The following ATP10A variants were observed in gnomAD, a reference collection of about 807,000 sequenced individuals.
ATP10A encodes ATPase phospholipid transporting 10A (putative), also known as phospholipid-transporting ATPase VA.
ATP10A carries 111 observed loss-of-function variants against 147.8 expected under a neutral mutation model. The observed-to-expected ratio is 0.75, with a 90% CI of 0.64 to 0.88. The LOEUF (loss-of-function observed/expected upper bound fraction) is 0.88, where lower values mean the gene tolerates loss of function less well. Ranked by LOEUF, ATP10A falls within the 40% of genes least tolerant of loss-of-function variation. ATP10A has a pLI of 0.00. For missense variants in ATP10A, 1,927 were observed against 1,959.0 expected (o/e 0.98, Z 0.31); for synonymous variants, 875 against 841.6 (o/e 1.04, Z -0.69).
At chr15:25,682,101 C>G (rs1288977710) in intron 17 of ATP10A, among the ~76,000 whole-genome samples, 1 of 150,510 alleles carries the variant, frequency 6.6e-6, no homozygotes, top group Admixed American at 6.6e-5. Context: ...CTGCATCTTC[C>G]CAGGGAACAT....
intron 2 of ATP10A, among the ~76,000 whole-genome samples, chr15:25,768,090 T>G (rs1360046748): frequency 6.6e-6 from 1 of 152,196 alleles, no homozygotes; most frequent in East Asian, 1.9e-4. Flanking sequence ...TGGCAGCTGG[T>G]TCTCTGCACT....
chr15:25,674,101 C>T (rs540159197), downstream of ATP10A, among the ~76,000 whole-genome samples: 15 of 152,184 alleles, frequency 9.9e-5, no homozygotes, highest in Admixed American at 7.2e-4. Flanking sequence ...CAGCCTGGGA[C>T]GCTCTCCATC....
chr15:25,742,680 T>C (rs1290503514), intron 2 of ATP10A, among the ~76,000 whole-genome samples: 2 of 152,172 alleles, frequency 1.3e-5, no homozygotes, highest in African/African-American at 4.8e-5. Flanking sequence ...AGCCTTGCTT[T>C]CTCCTCCGTC....
chr15:25,837,114 T>C (rs1326655750), intron 1 of ATP10A, among the ~76,000 whole-genome samples: 1 of 152,130 alleles, frequency 6.6e-6, no homozygotes, highest in Non-Finnish European at 1.5e-5. Context: ...CAAAATCTAC[T>C]CTTTTAGCCA....
intron 16 of ATP10A, among the ~76,000 whole-genome samples, chr15:25,685,192 GA>G: frequency 6.6e-6 from 1 of 152,274 alleles, no homozygotes; most frequent in African/African-American, 2.4e-5. Flanking sequence ...TTATTGGAAA[GA>G]AAGGCCACCT....
intron 15 of ATP10A, among the ~76,000 whole-genome samples, chr15:25,689,033 C>A (rs941235423): frequency 4.6e-5 from 7 of 152,208 alleles, no homozygotes; most frequent in Non-Finnish European, 1.0e-4. Context: ...CAAAAGGGAC[C>A]AGTGTTAAAA....
intron 1 of ATP10A, among the ~76,000 whole-genome samples, chr15:25,818,500 A>T (rs1891756980): frequency 6.6e-6 from 1 of 152,166 alleles, no homozygotes; most frequent in South Asian, 2.1e-4. Flanking sequence ...GGACCAGAAT[A>T]ATTAGTATCA....
rs182016877 is a variant in ATP10A, at chr15:25,679,403, A to G, written c.4438T>C (p.Ser1480Pro). Residue 1480 changes from serine (S) to proline (P), a missense_variant, in exon 21 of 21, where the codon TCA becomes CCA. Coordinates refer to ENST00000555815, the MANE Select transcript of ATP10A (RefSeq NM_024490.4). ...GLPVQPHSGR[S>P]GLQGPDHRLL... ...CTGTGGTCTGGCCCTTGAAGTCCTG[A>G]TCGGCCTGAGTGGGGCTGGACAGGA... 6.8e-6 allele frequency: 11 copies of G among 1,612,134 alleles called. No homozygotes were observed. In the Admixed American group the frequency reaches 1.7e-4, roughly 24 times the overall value.
chr15:25,717,785 G>A (rs1332394364), intron 8 of ATP10A, among the ~76,000 whole-genome samples: 2 of 152,188 alleles, frequency 1.3e-5, no homozygotes, highest in African/African-American at 2.4e-5. Flanking sequence ...ATGTCTGGGC[G>A]GCTGACAAGG....
At chr15:25,828,392 A>T (rs1398155785) in intron 1 of ATP10A, among the ~76,000 whole-genome samples, 1 of 152,224 alleles carries the variant, frequency 6.6e-6, no homozygotes, top group African/African-American at 2.4e-5. Context: ...ACCATAAGCT[A>T]AGCCATAGAA....
At chr15:25,693,594 G>A (rs76580014) in intron 14 of ATP10A, among the ~76,000 whole-genome samples, 8,985 of 152,264 alleles carry the variant, frequency 0.059, 395 homozygotes, top group African/African-American at 0.12. Context: ...CAGGGGTGGT[G>A]CAGGTCAGCC....
At chr15:25,749,669 G>C (rs1252983176) in intron 2 of ATP10A, among the ~76,000 whole-genome samples, 2 of 152,134 alleles carry the variant, frequency 1.3e-5, no homozygotes, top group South Asian at 2.1e-4. Flanking sequence ...AAGTAAGTCA[G>C]CTTAATCTAA....
intron 1 of ATP10A, among the ~76,000 whole-genome samples, chr15:25,823,432 A>C (rs780302785): frequency 6.6e-6 from 1 of 152,248 alleles, no homozygotes; most frequent in South Asian, 2.1e-4. Context: ...GGCCTGCACA[A>C]GTTCAAATAA....
chr15:25,745,637 C>T (rs186936110), intron 2 of ATP10A, among the ~76,000 whole-genome samples: 10 of 152,072 alleles, frequency 6.6e-5, no homozygotes, highest in East Asian at 3.9e-4. Flanking sequence ...GCAACAAAAA[C>T]GGTAAATAAG....
At chr15:25,778,777 GA>G in intron 2 of ATP10A, among the ~76,000 whole-genome samples, 1 of 152,294 alleles carries the variant, frequency 6.6e-6, no homozygotes, top group East Asian at 1.9e-4. Context: ...ACCGAGCTAT[GA>G]AGTGCTGCAG....
At chr15:25,695,574 A>C (rs1900286072) in intron 13 of ATP10A, among the ~76,000 whole-genome samples, 1 of 152,108 alleles carries the variant, frequency 6.6e-6, no homozygotes, top group Non-Finnish European at 1.5e-5. Flanking sequence ...GCTTGCAGTG[A>C]GCCAAGATCA....
At chr15:25,820,919 G>A (rs1891851142) in intron 1 of ATP10A, among the ~76,000 whole-genome samples, 1 of 151,974 alleles carries the variant, frequency 6.6e-6, no homozygotes, top group Admixed American at 6.6e-5. Context: ...TATATTGGAA[G>A]GTATGCAAGT....
intron 2 of ATP10A, among the ~76,000 whole-genome samples, chr15:25,754,134 G>T (rs756061617): frequency 6.6e-6 from 1 of 151,714 alleles, no homozygotes; most frequent in African/African-American, 2.4e-5. Context: ...GTTTGTTTTT[G>T]GTTGTTTGTT....
chr15:25,717,903 C>T (rs2140408285), intron 8 of ATP10A, among the ~76,000 whole-genome samples: 1 of 152,236 alleles, frequency 6.6e-6, no homozygotes, highest in East Asian at 1.9e-4. Context: ...GTTTTATTTG[C>T]TTCATTTGGC....
Sources: gnomAD v4.1 joint callset for allele counts (sites outside exome capture counted in the v4.1 genomes callset) on GRCh38, gnomAD v4.1.1 for gene constraint, MANE v1.5 for transcripts, NCBI Gene and HGNC (gene_info 2026-07-23, HGNC 2026-07-21) for gene names.